Variants in TRPC4 observed in about 807,000 individuals in gnomAD.
TRPC4 encodes transient receptor potential cation channel subfamily C member 4.
TRPC4 carries 49 observed loss-of-function variants against 99.4 expected under a neutral mutation model. The observed-to-expected ratio is 0.49, with a 90% CI of 0.39 to 0.63. The LOEUF (loss-of-function observed/expected upper bound fraction) is 0.63. TRPC4 is among the 20% of genes least tolerant of loss of function. The pLI is 0.00. For synonymous variants in TRPC4, 454 were observed against 425.9 expected, an observed-to-expected ratio of 1.07 and a Z score of -0.81; for missense variants, 898 against 1,152.9, an observed-to-expected ratio of 0.78 and a Z score of 3.20.
intron 1 of TRPC4, among the ~76,000 whole-genome samples, chr13:37,868,631 T>C (rs1451206044): frequency 1.2e-5 from 1 of 86,672 alleles, no homozygotes; most frequent in African/African-American, 4.5e-5. Flanking sequence ...TACAAGTCTG[T>C]CTATTTTTTT....
chr13:37,722,177 G>A (rs560434131), intron 3 of TRPC4, among the ~76,000 whole-genome samples: 2 of 152,278 alleles, frequency 1.3e-5, no homozygotes, highest in Middle Eastern at 3.4e-3. Context: ...TCTCAGATAA[G>A]TGATTTAGAC....
intron 1 of TRPC4, among the ~76,000 whole-genome samples, chr13:37,798,165 T>A (rs372236490): frequency 1.1e-4 from 17 of 152,154 alleles, no homozygotes; most frequent in African/African-American, 3.4e-4. Context: ...TGAAAGTATG[T>A]TCTTTAATTC....
intron 3 of TRPC4, among the ~76,000 whole-genome samples, chr13:37,711,850 G>T (rs1954496727): frequency 6.6e-6 from 1 of 151,842 alleles, no homozygotes; most frequent in Admixed American, 6.6e-5. Flanking sequence ...GTAGAAATAG[G>T]TAAAATTAAT....
chr13:37,848,014 G>A (rs550614068), intron 1 of TRPC4, among the ~76,000 whole-genome samples: 72 of 152,196 alleles, frequency 4.7e-4, no homozygotes, highest in African/African-American at 1.7e-3. Flanking sequence ...TCAAAGTACA[G>A]ATGGCCTACA....
chr13:37,645,965 C>T (rs9547995), intron 8 of TRPC4, among the ~76,000 whole-genome samples: 8,084 of 152,288 alleles, frequency 0.053, 364 homozygotes, highest in Admixed American at 0.13. Flanking sequence ...GAGACACTCA[C>T]GGATGAAAAC....
chr13:37,639,753 A>G (rs537741628), intron 8 of TRPC4, among the ~76,000 whole-genome samples: 1 of 151,066 alleles, frequency 6.6e-6, no homozygotes, highest in South Asian at 2.1e-4. Flanking sequence ...TCATATATAT[A>G]TATATATAAT....
chr13:37,717,397 G>A (rs1954714449), intron 3 of TRPC4, among the ~76,000 whole-genome samples: 1 of 152,134 alleles, frequency 6.6e-6, no homozygotes, highest in African/African-American at 2.4e-5. Context: ...ACCAACATGA[G>A]TTTATTAGCA....
At position 37,813,030 on chromosome 13, in the gene TRPC4, C is replaced by T. The variant is rs968670949; in HGVS notation, c.-27-29670G>A. Among the ~76,000 whole-genome samples, 12 of 151,244 alleles carry T rather than the reference C, an allele frequency of 7.9e-5. No homozygotes were observed. In the East Asian group the frequency reaches 1.8e-3, roughly 22 times the overall value. ...AAAAAGTCAATCTAGAATTTTATAC[C>T]CACCCAAAATATCTTTCCAAACAAA... is the stretch of plus-strand genomic sequence containing the variant. On this transcript the variant is annotated intron_variant, in intron 1 of 10. Coordinates refer to ENST00000379705, the MANE Select transcript of TRPC4 (RefSeq NM_016179.4).
intron 3 of TRPC4, among the ~76,000 whole-genome samples, chr13:37,725,057 G>T (rs1026361290): frequency 1.3e-5 from 2 of 151,948 alleles, no homozygotes; most frequent in Admixed American, 6.6e-5. Context: ...TATCAATAAA[G>T]AATTTTTTAA....
chr13:37,698,935 T>G (rs1954012743), intron 3 of TRPC4, among the ~76,000 whole-genome samples: 1 of 152,168 alleles, frequency 6.6e-6, no homozygotes, highest in Non-Finnish European at 1.5e-5. Flanking sequence ...ATTTACCCTA[T>G]GCACCACCAT....
intron 5 of TRPC4, among the ~76,000 whole-genome samples, chr13:37,670,092 C>A (rs576276661): frequency 1.3e-5 from 2 of 152,026 alleles, no homozygotes; most frequent in East Asian, 3.9e-4. Flanking sequence ...ATGTGACCAA[C>A]CTTCTATAAG....
At chr13:37,748,476 T>C (rs565922319) in intron 2 of TRPC4, among the ~76,000 whole-genome samples, 1 of 151,192 alleles carries the variant, frequency 6.6e-6, no homozygotes, top group Non-Finnish European at 1.5e-5. Flanking sequence ...ATGGCATACA[T>C]TTTTTTTCAA....
intron 8 of TRPC4, among the ~76,000 whole-genome samples, chr13:37,642,734 TTC>T (rs375646478): frequency 0.74 from 96,772 of 129,940 alleles, 34,568 homozygotes; most frequent in East Asian, 0.87. Context: ...TTCTTTCTTT[TTC>T]TTTTTTTTTT....
intron 7 of TRPC4, among the ~76,000 whole-genome samples, chr13:37,651,772 A>G (rs367555436): frequency 6.6e-6 from 1 of 152,338 alleles, no homozygotes; most frequent in East Asian, 1.9e-4. Flanking sequence ...TCTGCACTGT[A>G]GACTCATGTT....
intron 3 of TRPC4, among the ~76,000 whole-genome samples, chr13:37,725,994 G>C (rs113104381): frequency 0.019 from 2,928 of 152,124 alleles, 37 homozygotes; most frequent in African/African-American, 0.038. Flanking sequence ...TCAGGAGTTG[G>C]AGACCAGCAT....
At chr13:37,662,321 AT>A (rs1952476171) in intron 6 of TRPC4, among the ~76,000 whole-genome samples, 1 of 123,458 alleles carries the variant, frequency 8.1e-6, no homozygotes, top group Non-Finnish European at 1.8e-5. Flanking sequence ...AAAAAAAAAA[AT>A]TATGTTTTCT....
intron 1 of TRPC4, among the ~76,000 whole-genome samples, chr13:37,811,934 A>T (rs1593797470): frequency 1.3e-5 from 2 of 152,128 alleles, no homozygotes; most frequent in East Asian, 3.9e-4. Context: ...AGGCCAAGGC[A>T]GGAAGATCAG....
intron 1 of TRPC4, among the ~76,000 whole-genome samples, chr13:37,821,614 C>T (rs930646761): frequency 2.0e-4 from 30 of 151,870 alleles, no homozygotes; most frequent in African/African-American, 6.8e-4. Flanking sequence ...GAAAAAGAGA[C>T]ACATAGAGCA....
chr13:37,728,250 C>G (rs1435974722), intron 3 of TRPC4, among the ~76,000 whole-genome samples: 1 of 151,764 alleles, frequency 6.6e-6, no homozygotes, highest in Non-Finnish European at 1.5e-5. Flanking sequence ...GTAAAATTAT[C>G]TGTTTACATA....
Sources: gnomAD v4.1 joint callset for allele counts (sites outside exome capture counted in the v4.1 genomes callset) on GRCh38, gnomAD v4.1.1 for gene constraint, MANE v1.5 for transcripts, NCBI Gene and HGNC (gene_info 2026-07-23, HGNC 2026-07-21) for gene names.